The following RNF216 variants were observed in gnomAD, a reference collection of about 807,000 sequenced individuals.
RNF216 encodes the protein E3 ubiquitin-protein ligase RNF216.
A neutral mutation model predicts 110.8 loss-of-function variants in RNF216; 72 were observed. The ratio of observed to expected loss-of-function variants is 0.65; its 90% CI spans 0.54 to 0.79. RNF216 has a LOEUF of 0.79. Among genes scored for constraint, RNF216 ranks in the 30% least tolerant of loss-of-function variants. The pLI is 0.00. For synonymous variants in RNF216, 495 were observed against 407.5 expected, an observed-to-expected ratio of 1.21 and a Z score of -2.59; for missense variants, 1,342 against 1,141.2, an observed-to-expected ratio of 1.18 and a Z score of -2.54.
chr7:5,627,870 G>C lies in RNF216; in HGVS notation c.2383-3745C>G, dbSNP rs142900953. On this transcript the variant is annotated intron_variant, in intron 15 of 16. Transcript: ENST00000389902. ...CTCTGGCCCCCTGTGGCACTGCTGA[G>C]GCTGAGAGCATGCAGGCCACTGCCT... Among the ~76,000 whole-genome samples, 964 of 152,262 alleles carry C rather than the reference G, an allele frequency of 6.3e-3. 11 individuals carry two copies. Among genetic ancestry groups the C allele is most frequent in the African/African-American group, 0.022 (913 of 41,554 alleles).
intron 1 of RNF216, among the ~76,000 whole-genome samples, chr7:5,777,947 CAT>C (rs140657638): frequency 0.026 from 4,015 of 152,324 alleles, 75 homozygotes; most frequent in Non-Finnish European, 0.04. Flanking sequence ...AGTACATCCT[CAT>C]GTGTGGAGGG....
At chr7:5,629,327 T>C (rs1786911818) in intron 15 of RNF216, among the ~76,000 whole-genome samples, 1 of 151,612 alleles carries the variant, frequency 6.6e-6, no homozygotes, top group Admixed American at 6.6e-5. Context: ...ATTTTAAAAA[T>C]TAGCCAGGTG....
Position 5,622,931 on chromosome 7 carries a change from C to T in RNF216, c.2701G>A (p.Gly901Ser), listed in dbSNP as rs758116890. 44 of 1,613,676 alleles carry T rather than the reference C, an allele frequency of 2.7e-5. No individual in the cohort carries two copies. Among genetic ancestry groups the T allele is most frequent in the South Asian group, 7.7e-5 (7 of 91,080 alleles). Residue 901 changes from glycine to serine, a missense_variant, in exon 17 of 17, where the codon GGT (glycine) becomes AGT (serine). Gly to Ser is a moderately conservative substitution (Grantham distance 56, BLOSUM62 0). Transcript: ENST00000389902. ...LPNVRVNYDF[G>S]PIHMPLEHNL... ...TGCTCCAGGGGCATGTGGATGGGAC[C>T]GAAGTCATAGTTGACCCGCACGTTG...
intron 6 of RNF216, among the ~76,000 whole-genome samples, chr7:5,729,958 A>G (rs1793992092): frequency 6.6e-6 from 1 of 152,224 alleles, no homozygotes; most frequent in Non-Finnish European, 1.5e-5. Flanking sequence ...ACAGATCTTA[A>G]TAAAGTTAGT....
chr7:5,748,576 T>C (rs1225611174), intron 3 of RNF216, among the ~76,000 whole-genome samples: 2 of 151,632 alleles, frequency 1.3e-5, no homozygotes, highest in Non-Finnish European at 2.9e-5. Flanking sequence ...CTCAGCTTAC[T>C]TTATTATAAG....
intron 13 of RNF216, among the ~76,000 whole-genome samples, chr7:5,660,943 G>GTTTTTTTTTTTTTTTTTTTTTTTT (rs1168463360): frequency 3.3e-5 from 3 of 90,150 alleles, no homozygotes; most frequent in Non-Finnish European, 5.9e-5. Flanking sequence ...GAAGCCTTAG[G>GTTTTTTTTTTTTTTTTTTTTTTTT]TTTTTTTTTT....
intron 15 of RNF216, among the ~76,000 whole-genome samples, chr7:5,628,577 C>A (rs1158989054): frequency 1.3e-5 from 2 of 152,082 alleles, no homozygotes; most frequent in African/African-American, 4.8e-5. Flanking sequence ...GGCTGGGGTG[C>A]AGTGGCACCA....
chr7:5,766,793 C>G (rs755397608), intron 1 of RNF216: 1 of 152,150 alleles, frequency 6.6e-6, no homozygotes, highest in Non-Finnish European at 1.5e-5. Flanking sequence ...TTTCAAGTAA[C>G]AAATGTCTGT....
At chr7:5,779,647 T>C in intron 1 of RNF216, among the ~76,000 whole-genome samples, 1 of 112,428 alleles carries the variant, frequency 8.9e-6, no homozygotes, top group East Asian at 2.5e-4. Flanking sequence ...ACAGCTAGAC[T>C]CCGTCTCTTA....
intron 1 of RNF216, among the ~76,000 whole-genome samples, chr7:5,766,134 T>C (rs551404936): frequency 2.6e-5 from 4 of 151,170 alleles, no homozygotes; most frequent in South Asian, 4.2e-4. Flanking sequence ...AAATAAAAAT[T>C]AAAAAACTAG....
intron 13 of RNF216, among the ~76,000 whole-genome samples, chr7:5,677,203 T>C (rs1790353430): frequency 1.3e-5 from 2 of 152,216 alleles, no homozygotes; most frequent in African/African-American, 4.8e-5. Flanking sequence ...CAAACACATG[T>C]GATTTAGAGA....
At chr7:5,683,993 C>T (rs865780642) in intron 13 of RNF216, among the ~76,000 whole-genome samples, 4 of 148,692 alleles carry the variant, frequency 2.7e-5, no homozygotes, top group Admixed American at 1.3e-4. Context: ...GGTCTTGTGG[C>T]GGGATGTGTG....
intron 13 of RNF216, among the ~76,000 whole-genome samples, chr7:5,703,804 G>T (rs561156295): frequency 6.6e-6 from 1 of 152,302 alleles, no homozygotes; most frequent in South Asian, 2.1e-4. Flanking sequence ...TCATGAGTGT[G>T]CCTAAACCTC....
chr7:5,722,255 T>C (rs1793472158), intron 8 of RNF216, among the ~76,000 whole-genome samples: 1 of 152,152 alleles, frequency 6.6e-6, no homozygotes, highest in Non-Finnish European at 1.5e-5. Context: ...CTTTATCTCA[T>C]TCAGATTTTC....
chr7:5,730,870 C>T lies in RNF216; in HGVS notation c.1122-53G>A. ...TACTGCTTCCAAATCCCACACCTGC[C>T]CATTGCTTCAAATGCAATGGTTGAA... is the stretch of plus-strand genomic sequence containing the variant. On this transcript the variant is annotated intron_variant, in intron 5 of 16. Coordinates refer to ENST00000389902, the MANE Select transcript of RNF216 (RefSeq NM_207111.4). The T allele has an allele frequency of 4.4e-6, 7 of 1,576,724 alleles. No homozygotes were observed. In the South Asian group the frequency reaches 8.0e-5, roughly 18 times the overall value.
intron 13 of RNF216, among the ~76,000 whole-genome samples, chr7:5,682,917 T>A (rs1428866485): frequency 6.6e-6 from 1 of 152,078 alleles, no homozygotes; most frequent in Non-Finnish European, 1.5e-5. Context: ...TAATGTAGCA[T>A]CAAAACCAGA....
chr7:5,766,723 T>C (rs970551951), intron 1 of RNF216, among the ~76,000 whole-genome samples: 3 of 152,232 alleles, frequency 2.0e-5, no homozygotes, highest in South Asian at 2.1e-4. Context: ...AGCTGACTAA[T>C]ACAGGTGGAA....
intron 6 of RNF216, 55 bp downstream of exon 6, chr7:5,730,660 C>T (rs1794032315): frequency 6.3e-7 from 1 of 1,598,810 alleles, no homozygotes; most frequent in Non-Finnish European, 8.5e-7. Context: ...ACAACAACAA[C>T]AACAAAGCAC....
intron 5 of RNF216, among the ~76,000 whole-genome samples, chr7:5,733,981 G>C (rs1306868708): frequency 2.0e-5 from 3 of 152,092 alleles, no homozygotes; most frequent in Non-Finnish European, 2.9e-5. Context: ...AAAAAATAAA[G>C]CTTAGTAATT....
Sources: gnomAD v4.1 joint callset for allele counts (sites outside exome capture counted in the v4.1 genomes callset) on GRCh38, gnomAD v4.1.1 for gene constraint, MANE v1.5 for transcripts, NCBI Gene and HGNC (gene_info 2026-07-23, HGNC 2026-07-21) for gene names.